ZNF385D: variants seen among roughly 807,000 people sequenced by gnomAD.
The protein encoded by ZNF385D is zinc finger protein 659.
In ZNF385D, 15 loss-of-function variants were observed where a neutral mutation model predicts 35.8. The ratio of observed to expected loss-of-function variants is 0.42; its 90% CI spans 0.28 to 0.64. ZNF385D has a LOEUF of 0.64. Among genes scored for constraint, ZNF385D ranks in the 30% least tolerant of loss-of-function variants. ZNF385D has a pLI of 0.23. For synonymous variants in ZNF385D, 212 were observed against 186.8 expected (o/e 1.13, Z -1.10); for missense variants, 474 against 494.6 (o/e 0.96, Z 0.39).
chr3:21,533,346 C>T (rs1367652088), intron 3 of ZNF385D, among the ~76,000 whole-genome samples: 1 of 151,988 alleles, frequency 6.6e-6, no homozygotes, highest in Non-Finnish European at 1.5e-5. Context: ...TGGAAAATGC[C>T]TTTTATTTTT....
At chr3:21,816,748 G>A (rs985278873) in intron 3 of ZNF385D, among the ~76,000 whole-genome samples, 2 of 152,144 alleles carry the variant, frequency 1.3e-5, no homozygotes, top group African/African-American at 2.4e-5. Flanking sequence ...TCATGAAAAT[G>A]GCCATACTGC....
intron 3 of ZNF385D, among the ~76,000 whole-genome samples, chr3:21,826,911 G>A (rs73820148): frequency 2.6e-5 from 4 of 151,876 alleles, no homozygotes; most frequent in Admixed American, 2.6e-4. Flanking sequence ...ACAGTGAAGA[G>A]TATGGACTTC....
intron 2 of ZNF385D, among the ~76,000 whole-genome samples, chr3:22,291,580 A>G (rs1473564084): frequency 6.6e-6 from 1 of 152,044 alleles, no homozygotes; most frequent in Non-Finnish European, 1.5e-5. Context: ...ATTTGCAAAC[A>G]ATGATAGTTT....
At chr3:21,777,304 AT>A (rs1247883172) in intron 3 of ZNF385D, among the ~76,000 whole-genome samples, 4 of 151,974 alleles carry the variant, frequency 2.6e-5, no homozygotes, top group African/African-American at 9.7e-5. Flanking sequence ...TTTTAAAAAA[AT>A]AAATATTTAT....
intron 3 of ZNF385D, among the ~76,000 whole-genome samples, chr3:22,138,901 T>A (rs1293957866): frequency 6.6e-5 from 10 of 151,726 alleles, no homozygotes; most frequent in Non-Finnish European, 1.5e-4. Context: ...TGGGAGAAAA[T>A]TTTTGCAACC....
At position 22,186,808 on chromosome 3, in the gene ZNF385D, T is replaced by C. The variant is rs150798571; in HGVS notation, c.107-17773A>G. 1.6e-3 allele frequency among the ~76,000 whole-genome samples: 244 copies of C among 152,298 alleles called. 1 individual carries two copies. The highest frequency in any genetic ancestry group is 5.6e-3 in the African/African-American group (234 of 41,568). Reference sequence around the variant, plus strand: ...ACTGGCACCAATACCGTATTTGAGATTGCTCATAATCAACTGGTATTTTAT... The same window carrying C: ...ACTGGCACCAATACCGTATTTGAGACTGCTCATAATCAACTGGTATTTTAT... On this transcript the variant is annotated intron_variant, in intron 2 of 5. Transcript: ENST00000494108.
rs150436873 is a variant in ZNF385D, at chr3:21,432,726, A to G, written c.673+4244T>C. On this transcript the variant is annotated intron_variant, in intron 5 of 7. Coordinates refer to ENST00000281523, the MANE Select transcript of ZNF385D (RefSeq NM_024697.3). The stretch of plus-strand genomic sequence containing the variant: ...AGACTATGTCCTCTTAAGGTGTTTA[A>G]AAAATTCTTAGACTGTTGTAAACAC... 3.0e-3 allele frequency among the ~76,000 whole-genome samples: 452 copies of G among 152,194 alleles called. 1 individual carries two copies. The highest frequency in any genetic ancestry group is 0.011 in the African/African-American group (439 of 41,548).
At chr3:21,718,403 G>A (rs990063960) in intron 1 of ZNF385D, among the ~76,000 whole-genome samples, 2 of 152,204 alleles carry the variant, frequency 1.3e-5, no homozygotes, top group African/African-American at 4.8e-5. Context: ...AACCACTGGT[G>A]TCTACATTAG....
chr3:21,847,599 T>C (rs988600176), intron 3 of ZNF385D, among the ~76,000 whole-genome samples: 1 of 152,020 alleles, frequency 6.6e-6, no homozygotes, highest in African/African-American at 2.4e-5. Flanking sequence ...ACAATATTTT[T>C]GCAGTTTCCT....
chr3:21,791,198 A>T (rs2071913395), intron 3 of ZNF385D, among the ~76,000 whole-genome samples: 1 of 152,222 alleles, frequency 6.6e-6, no homozygotes, highest in Admixed American at 6.5e-5. Flanking sequence ...TAAAAAGAAC[A>T]CAATGGACAT....
chr3:21,733,470 G>A (rs1229582503), intron 1 of ZNF385D, among the ~76,000 whole-genome samples: 2 of 152,030 alleles, frequency 1.3e-5, no homozygotes, highest in Non-Finnish European at 2.9e-5. Context: ...ATTCTTATAA[G>A]CTCTTTGTTA....
At chr3:21,473,406 C>T (rs1184084241) in intron 4 of ZNF385D, among the ~76,000 whole-genome samples, 1 of 152,042 alleles carries the variant, frequency 6.6e-6, no homozygotes, top group Non-Finnish European at 1.5e-5. Flanking sequence ...CAAATTTCTG[C>T]CTCTTTTATT....
chr3:22,203,015 C>T (rs1696907291), intron 2 of ZNF385D, among the ~76,000 whole-genome samples: 3 of 152,072 alleles, frequency 2.0e-5, no homozygotes, highest in South Asian at 2.1e-4. Context: ...GCGCTTGGAA[C>T]CAGTGAATGT....
chr3:21,854,032 T>C (rs1421043932), intron 3 of ZNF385D, among the ~76,000 whole-genome samples: 1 of 151,844 alleles, frequency 6.6e-6, no homozygotes, highest in Admixed American at 6.6e-5. Context: ...TATACAAATA[T>C]AAAAAGTAAT....
rs369221592 is a variant in ZNF385D at position 22,058,548 on chromosome 3, T to A, written c.325+110269A>T. Reference sequence around the variant, plus strand: ...CTGGTCAAAGGACATGAGAGGCAGATGAGATCTTGGTAGAGTCAGGAAAAT... The same window carrying A: ...CTGGTCAAAGGACATGAGAGGCAGAAGAGATCTTGGTAGAGTCAGGAAAAT... On this transcript the variant is annotated intron_variant, in intron 3 of 5. Transcript: ENST00000494108. Among the ~76,000 whole-genome samples, 3 of 152,146 alleles carry A rather than the reference T, an allele frequency of 2.0e-5. No homozygotes were observed. In the East Asian group the frequency reaches 5.8e-4, roughly 29 times the overall value.
At chr3:21,722,519 G>C (rs900045844) in intron 1 of ZNF385D, among the ~76,000 whole-genome samples, 1 of 152,212 alleles carries the variant, frequency 6.6e-6, no homozygotes, top group Non-Finnish European at 1.5e-5. Context: ...TCCTGCTAGA[G>C]GAAGTTGCAA....
intron 3 of ZNF385D, among the ~76,000 whole-genome samples, chr3:22,124,972 T>C (rs1703343387): frequency 6.6e-6 from 1 of 152,180 alleles, no homozygotes; most frequent in African/African-American, 2.4e-5. Flanking sequence ...TTGTGGGGTA[T>C]TATTCAAGAA....
At position 22,152,620 on chromosome 3, in the gene ZNF385D, G is replaced by A. The variant is rs575589680; in HGVS notation, c.325+16197C>T. Reference sequence around the variant, plus strand: ...CGTCACTCTAACCTCTGCTTCCACAGTAACATCTCCTTTCTCTCTCTGACC... The same window carrying A: ...CGTCACTCTAACCTCTGCTTCCACAATAACATCTCCTTTCTCTCTCTGACC... On this transcript the variant is annotated intron_variant, in intron 3 of 5. Transcript: ENST00000494108. 5.3e-5 allele frequency among the ~76,000 whole-genome samples: 8 copies of A among 152,220 alleles called. No individual in the cohort carries two copies. In the East Asian group the frequency reaches 1.4e-3, roughly 26 times the overall value.
chr3:21,717,950 C>A (rs1413923082), intron 1 of ZNF385D, among the ~76,000 whole-genome samples: 11 of 152,182 alleles, frequency 7.2e-5, no homozygotes, highest in Non-Finnish European at 1.5e-4. Flanking sequence ...GCATCAGATT[C>A]ATCAGGAAGG....
Sources: gnomAD v4.1 joint callset for allele counts (sites outside exome capture counted in the v4.1 genomes callset) on GRCh38, gnomAD v4.1.1 for gene constraint, MANE v1.5 for transcripts, NCBI Gene and HGNC (gene_info 2026-07-23, HGNC 2026-07-21) for gene names.